Variants in HECTD2 observed in about 807,000 individuals in gnomAD.
HECTD2 encodes the protein HECT domain E3 ubiquitin protein ligase 2.
HECTD2 carries 35 observed loss-of-function variants against 103.2 expected under a neutral mutation model. The observed-to-expected ratio is 0.34, with a 90% CI of 0.26 to 0.45. The LOEUF (loss-of-function observed/expected upper bound fraction) is 0.45. HECTD2 is among the 20% of genes least tolerant of loss of function. The probability of loss-of-function intolerance (pLI) is 1.00; values close to 1 mark genes in which losing one functional copy is unlikely to be tolerated. For synonymous variants in HECTD2, 281 were observed against 329.9 expected (o/e 0.85, Z 1.61); for missense variants, 596 against 937.4 (o/e 0.64, Z 4.76).
At chr10:91,462,296 A>G in intron 5 of HECTD2, 112 bp downstream of exon 5, 1 of 1,218,452 alleles carries the variant, frequency 8.2e-7, no homozygotes, top group Non-Finnish European at 1.1e-6. Flanking sequence ...ACTCTGATAC[A>G]ATTTTATAGT....
intron 2 of HECTD2, among the ~76,000 whole-genome samples, chr10:91,444,021 G>A (rs1844483690): frequency 6.6e-6 from 1 of 152,086 alleles, no homozygotes; most frequent in African/African-American, 2.4e-5. Context: ...GGGCATCTCA[G>A]CAGCAGAAAA....
At chr10:91,426,691 C>T (rs1293632307) in intron 2 of HECTD2, among the ~76,000 whole-genome samples, 1 of 151,844 alleles carries the variant, frequency 6.6e-6, no homozygotes, top group Non-Finnish European at 1.5e-5. Flanking sequence ...ATATCTTCAT[C>T]TCTGAAGTCA....
At chr10:91,496,675 T>TGGA (rs1846678060) in intron 15 of HECTD2, among the ~76,000 whole-genome samples, 1 of 152,096 alleles carries the variant, frequency 6.6e-6, no homozygotes, top group African/African-American at 2.4e-5. Context: ...ATGTGAACAA[T>TGGA]GGGATAGTTT....
chr10:91,504,640 T>G (rs559245171), intron 20 of HECTD2, among the ~76,000 whole-genome samples: 1 of 151,984 alleles, frequency 6.6e-6, no homozygotes, highest in Non-Finnish European at 1.5e-5. Flanking sequence ...AAAGACCAAA[T>G]CTACGTCTGA....
chr10:91,486,270 T>G (rs1462209915), intron 10 of HECTD2: 1 of 152,108 alleles, frequency 6.6e-6, no homozygotes, highest in East Asian at 1.9e-4. Flanking sequence ...GAATAAGAAT[T>G]TAAGTTCTGG....
intron 11 of HECTD2, chr10:91,489,398 T>C (rs1368708875): frequency 6.6e-6 from 1 of 152,200 alleles, no homozygotes; most frequent in African/African-American, 2.4e-5. Context: ...AGCAAGAGCT[T>C]ATATGGTACA....
chr10:91,410,384 C>T lies in HECTD2; in HGVS notation c.-55C>T. 2 of 1,214,530 alleles carry T rather than the reference C, an allele frequency of 1.6e-6. No homozygotes were observed. Among genetic ancestry groups the T allele is most frequent in the Non-Finnish European group, 2.1e-6 (2 of 954,766 alleles). The allele number at this position is 1,214,530 out of a possible 1,614,324, so 75.2% of individuals were successfully genotyped here. The stretch of plus-strand genomic sequence containing the variant: ...CCGCGGCGGCAGCAGCAGCGCCAGC[C>T]CCAGCAACACTGAGGCCGCCGCCGC... On this transcript the variant is annotated 5_prime_UTR_variant, in exon 1 of 21. Coordinates refer to ENST00000298068, the MANE Select transcript of HECTD2 (RefSeq NM_182765.6).
intron 2 of HECTD2, among the ~76,000 whole-genome samples, chr10:91,426,922 C>T (rs1843586008): frequency 6.6e-6 from 1 of 151,024 alleles, no homozygotes; most frequent in African/African-American, 2.4e-5. Context: ...CATATGTATA[C>T]ATGTGCCATG....
At chr10:91,415,312 A>G (rs1843079927) in intron 1 of HECTD2, among the ~76,000 whole-genome samples, 1 of 151,842 alleles carries the variant, frequency 6.6e-6, no homozygotes, top group Non-Finnish European at 1.5e-5. Context: ...TTATGTTCTA[A>G]ACAAGAGGTG....
At chr10:91,467,551 C>G (rs1184602925) in intron 5 of HECTD2, among the ~76,000 whole-genome samples, 1 of 152,138 alleles carries the variant, frequency 6.6e-6, no homozygotes, top group Non-Finnish European at 1.5e-5. Context: ...CAAGGTACTT[C>G]CTGGGGCATA....
rs1296721020 is a variant in HECTD2, at chr10:91,504,565, A to G, written c.2210+3231A>G. Among the ~76,000 whole-genome samples, 11 of 152,196 alleles carry G rather than the reference A, an allele frequency of 7.2e-5. No individual in the cohort carries two copies. In the East Asian group the frequency reaches 7.7e-4, roughly 11 times the overall value. On this transcript the variant is annotated intron_variant, in intron 20 of 20. Coordinates refer to ENST00000298068, the MANE Select transcript of HECTD2 (RefSeq NM_182765.6). ...AAATGAATGAAATGAAGCGAGAAGGAAAGTTTAGAGAAAAAAGAATAAAAA... is the reference window on the plus strand; with the variant it reads ...AAATGAATGAAATGAAGCGAGAAGGGAAGTTTAGAGAAAAAAGAATAAAAA...
chr10:91,478,377 TTATAA>T (rs1215709364), intron 6 of HECTD2, 112 bp downstream of exon 6: 3 of 657,564 alleles, frequency 4.6e-6, no homozygotes, highest in Non-Finnish European at 7.9e-6. Flanking sequence ...TTTAGTTGAG[TTATAA>T]TAACATAGAT....
At chr10:91,471,646 A>G (rs1049083503) in intron 5 of HECTD2, among the ~76,000 whole-genome samples, 1 of 152,254 alleles carries the variant, frequency 6.6e-6, no homozygotes, top group African/African-American at 2.4e-5. Flanking sequence ...TATAAAAATC[A>G]GTAGCATTTC....
intron 2 of HECTD2, among the ~76,000 whole-genome samples, chr10:91,435,311 T>TAG (rs1166055622): frequency 6.6e-6 from 1 of 151,894 alleles, no homozygotes; most frequent in Non-Finnish European, 1.5e-5. Flanking sequence ...TTGAGACTAT[T>TAG]AGATGTCTGT....
At chr10:91,496,457 C>G in intron 15 of HECTD2, 85 bp downstream of exon 15, 1 of 913,970 alleles carries the variant, frequency 1.1e-6, no homozygotes, top group Non-Finnish European at 1.6e-6. Flanking sequence ...TAATGCTATT[C>G]TTACTTTTAA....
intron 2 of HECTD2, among the ~76,000 whole-genome samples, chr10:91,438,885 G>C (rs113933491): frequency 6.6e-6 from 1 of 151,916 alleles, no homozygotes; most frequent in East Asian, 1.9e-4. Flanking sequence ...TCTTTTAAGA[G>C]GTGTCTGTTC....
At chr10:91,486,527 TG>T (rs1433442300) in intron 10 of HECTD2, 2 of 152,136 alleles carry the variant, frequency 1.3e-5, no homozygotes, top group East Asian at 3.8e-4. Flanking sequence ...TGTCAACCCT[TG>T]GGTAGCCAGC....
intron 5 of HECTD2, among the ~76,000 whole-genome samples, chr10:91,477,604 A>G (rs1845954967): frequency 1.3e-5 from 2 of 152,206 alleles, no homozygotes; most frequent in South Asian, 4.1e-4. Context: ...ATGAGTGCTG[A>G]TAGACATGTC....
chr10:91,481,967 A>G (rs1589529418), intron 7 of HECTD2, among the ~76,000 whole-genome samples: 1 of 151,692 alleles, frequency 6.6e-6, no homozygotes, highest in Non-Finnish European at 1.5e-5. Flanking sequence ...AAAAGGGGGG[A>G]AAATGACCAA....
Sources: gnomAD v4.1 joint callset for allele counts (sites outside exome capture counted in the v4.1 genomes callset) on GRCh38, gnomAD v4.1.1 for gene constraint, MANE v1.5 for transcripts, NCBI Gene and HGNC (gene_info 2026-07-23, HGNC 2026-07-21) for gene names.